Variants in SLC4A4 observed in about 807,000 individuals in gnomAD.
SLC4A4 encodes the protein electrogenic sodium bicarbonate cotransporter 1.
SLC4A4 carries 27 observed loss-of-function variants against 111.5 expected under a neutral mutation model. That is an observed-to-expected ratio of 0.24 (90% CI 0.18 to 0.33). The LOEUF (loss-of-function observed/expected upper bound fraction) is 0.33. Ranked by LOEUF, SLC4A4 falls within the 10% of genes least tolerant of loss-of-function variation. The probability of loss-of-function intolerance (pLI) is 1.00; values close to 1 mark genes in which losing one functional copy is unlikely to be tolerated. For synonymous variants in SLC4A4, 443 were observed against 463.4 expected, an observed-to-expected ratio of 0.96 and a Z score of 0.57; for missense variants, 909 against 1,315.5, an observed-to-expected ratio of 0.69 and a Z score of 4.78.
chr4:71,479,844 C>T (rs542650519), intron 14 of SLC4A4, among the ~76,000 whole-genome samples: 1 of 151,734 alleles, frequency 6.6e-6, no homozygotes, highest in South Asian at 2.1e-4. Context: ...ATAATGCTTG[C>T]CGGAATCAGA....
chr4:71,171,825 A>G (rs1744949406), intron 2 of SLC4A4, among the ~76,000 whole-genome samples: 1 of 152,202 alleles, frequency 6.6e-6, no homozygotes, highest in South Asian at 2.1e-4. Flanking sequence ...TGTTTCTCTA[A>G]ATGGAATGTC....
At chr4:71,532,033 G>C in intron 16 of SLC4A4, 29 bp from the exon 17 acceptor site, 2 of 1,305,282 alleles carry the variant, frequency 1.5e-6, no homozygotes, top group South Asian at 1.2e-5. Context: ...GGTGCTAAAT[G>C]GTTCCTGGTT....
chr4:71,447,633 C>T lies in SLC4A4; in HGVS notation c.966-13C>T. 6.4e-7 allele frequency: 1 copy of T among 1,561,402 alleles called. No individual in the cohort carries two copies. Among genetic ancestry groups the T allele is most frequent in the Non-Finnish European group, 8.8e-7 (1 of 1,132,630 alleles). On this transcript the variant is annotated splice_polypyrimidine_tract_variant and intron_variant, in intron 8 of 25. Transcript: ENST00000264485. ...TGTGTGTTATAGCCTTTGCTTCTTT[C>T]CTTTTCCATTAGGTTCTTGTTCATT...
At chr4:71,256,039 T>G (rs1721426218) in intron 3 of SLC4A4, among the ~76,000 whole-genome samples, 1 of 152,118 alleles carries the variant, frequency 6.6e-6, no homozygotes, top group Admixed American at 6.6e-5. Context: ...ATAGGCTGTG[T>G]GTTTAGATGT....
chr4:71,063,613 C>G (rs1741440306), intron 1 of SLC4A4, among the ~76,000 whole-genome samples: 1 of 151,854 alleles, frequency 6.6e-6, no homozygotes, highest in South Asian at 2.1e-4. Context: ...TTATTTAAAG[C>G]CAGCCCTATT....
intron 1 of SLC4A4, among the ~76,000 whole-genome samples, chr4:71,222,506 A>G (rs1248031349): frequency 6.6e-6 from 1 of 152,210 alleles, no homozygotes; most frequent in Non-Finnish European, 1.5e-5. Context: ...GGTATTGTCT[A>G]TTTCCCACCA....
At chr4:71,547,610 A>T in intron 19 of SLC4A4, 38 bp from the exon 20 acceptor site, 1 of 1,524,508 alleles carries the variant, frequency 6.6e-7, no homozygotes, top group Non-Finnish European at 9.1e-7. Context: ...GTTTATGAAG[A>T]CAAGAGGTAG....
At chr4:71,520,581 TG>T (rs1732836859) in intron 16 of SLC4A4, among the ~76,000 whole-genome samples, 1 of 152,252 alleles carries the variant, frequency 6.6e-6, no homozygotes, top group Non-Finnish European at 1.5e-5. Flanking sequence ...AGGGAAAGTT[TG>T]GCTAGATGAC....
rs377676780 is a variant in SLC4A4, at chr4:71,505,984, G to A, written c.2166+8292G>A. Among the ~76,000 whole-genome samples the A allele has an allele frequency of 1.3e-4, 20 of 152,052 alleles. 1 individual carries two copies. The East Asian group carries it at 2.7e-3, about 21-fold the overall frequency. ...ATTGTTTGTTTTTGTCAGGTTTGTC[G>A]AAGATCAGATGGTTGTAGGTGTGTG... On this transcript the variant is annotated intron_variant, in intron 16 of 25. Transcript: ENST00000264485.
rs4280704 is a variant in SLC4A4, at chr4:71,497,828, A to G, written c.2166+136A>G. On this transcript the variant is annotated intron_variant, in intron 16 of 25. Transcript: ENST00000264485. Reference sequence around the variant, plus strand: ...TGTGCGTTTTAAACATTACACTTCAATCTTTGTTCATGTGCATACTTATTA... The same window carrying G: ...TGTGCGTTTTAAACATTACACTTCAGTCTTTGTTCATGTGCATACTTATTA... 73,191 of 738,336 alleles carry G rather than the reference A, an allele frequency of 0.099. 4,599 individuals carry two copies. The highest frequency in any genetic ancestry group is 0.22 in the African/African-American group (12,249 of 56,572). 45.7% of individuals were successfully genotyped at this position (738,336 alleles called of 1,614,324 possible).
chr4:71,317,005 C>A (rs966348048), intron 3 of SLC4A4, among the ~76,000 whole-genome samples: 1 of 151,822 alleles, frequency 6.6e-6, no homozygotes, highest in Non-Finnish European at 1.5e-5. Context: ...CAGGCGTGCA[C>A]CAGTATGTCA....
intron 2 of SLC4A4, among the ~76,000 whole-genome samples, chr4:71,146,806 A>G (rs1321013550): frequency 1.3e-5 from 2 of 152,184 alleles, no homozygotes; most frequent in Non-Finnish European, 2.9e-5. Context: ...AACGACCATC[A>G]AGGCTAGGAA....
chr4:71,167,329 T>C (rs891468281), intron 2 of SLC4A4, among the ~76,000 whole-genome samples: 6 of 152,202 alleles, frequency 3.9e-5, no homozygotes, highest in African/African-American at 1.4e-4. Flanking sequence ...TCTCCAAGCA[T>C]GGCTATTCTG....
intron 16 of SLC4A4, among the ~76,000 whole-genome samples, chr4:71,522,039 CCTGT>C (rs1281149050): frequency 3.1e-5 from 1 of 32,438 alleles, no homozygotes; most frequent in African/African-American, 5.3e-5. Flanking sequence ...CCTTTTCTAC[CCTGT>C]CTATCAGGTA....
chr4:71,065,759 A>T (rs1741502816), intron 1 of SLC4A4, among the ~76,000 whole-genome samples: 1 of 152,090 alleles, frequency 6.6e-6, no homozygotes, highest in African/African-American at 2.4e-5. Context: ...TATCATTTCA[A>T]TGTCACTTTC....
intron 2 of SLC4A4, among the ~76,000 whole-genome samples, chr4:71,107,191 A>G (rs1009492550): frequency 6.6e-6 from 1 of 152,062 alleles, no homozygotes; most frequent in African/African-American, 2.4e-5. Context: ...CATTCTGCCA[A>G]TCTCTGTCTT....
intron 3 of SLC4A4, chr4:71,301,142 C>T: frequency 5.9e-6 from 2 of 340,066 alleles, no homozygotes; most frequent in Non-Finnish European, 1.2e-5. Context: ...GGGATGGGCA[C>T]CACACGTGGC....
intron 1 of SLC4A4, among the ~76,000 whole-genome samples, chr4:71,223,470 A>G (rs948290550): frequency 6.6e-6 from 1 of 152,116 alleles, no homozygotes; most frequent in Non-Finnish European, 1.5e-5. Flanking sequence ...GCCTGCACTG[A>G]CATTCTTTTA....
At chr4:71,346,434 G>T (rs1729332182) in intron 4 of SLC4A4, among the ~76,000 whole-genome samples, 1 of 138,500 alleles carries the variant, frequency 7.2e-6, no homozygotes, top group Non-Finnish European at 1.6e-5. Context: ...GGAGATAGTG[G>T]CTTTTAGTAT....
Sources: gnomAD v4.1 joint callset for allele counts (sites outside exome capture counted in the v4.1 genomes callset) on GRCh38, gnomAD v4.1.1 for gene constraint, MANE v1.5 for transcripts, NCBI Gene and HGNC (gene_info 2026-07-23, HGNC 2026-07-21) for gene names.